ZNF883: variants seen among roughly 807,000 people sequenced by gnomAD.
The protein encoded by ZNF883 is zinc finger protein 883.
chr9:113,000,238 A>G (rs1828410039), upstream of ZNF883, among the ~76,000 whole-genome samples: 1 of 152,236 alleles, frequency 6.6e-6, no homozygotes, highest in Non-Finnish European at 1.5e-5. Flanking sequence ...ATAAAAGACA[A>G]TGAAACTAAT....
At chr9:112,991,303 G>A (rs1411538755) in intron 1 of ZNF883, among the ~76,000 whole-genome samples, 1 of 151,838 alleles carries the variant, frequency 6.6e-6, no homozygotes, top group African/African-American at 2.4e-5. Context: ...TGTTCTCCTT[G>A]GTTTCAAAAA....
At chr9:113,004,108 G>C (rs915393387) in intron 2 of ZNF883, among the ~76,000 whole-genome samples, 5 of 152,310 alleles carry the variant, frequency 3.3e-5, no homozygotes, top group Admixed American at 6.5e-5. Context: ...CACACACACA[G>C]AAAGTCATGT....
upstream of ZNF883, chr9:112,998,329 TTC>T: frequency 8.1e-7 from 1 of 1,242,090 alleles, no homozygotes; most frequent in South Asian, 2.5e-5. Flanking sequence ...GTGTTGGCTT[TTC>T]ATTTATTTCC....
At chr9:112,997,779 T>A in exon 1 of ZNF883, 1 of 1,613,564 alleles carries the variant, frequency 6.2e-7, no homozygotes, top group Non-Finnish European at 8.5e-7. Flanking sequence ...CGGCTGAAGG[T>A]TTTTCCACAT....
downstream of ZNF883, among the ~76,000 whole-genome samples, chr9:112,996,073 G>T (rs751303873): frequency 6.6e-6 from 1 of 151,232 alleles, no homozygotes. Context: ...TAATAATCAC[G>T]TTTTTTTTCC....
chr9:112,997,254 G>C (rs1421406287), exon 1 of ZNF883: 1 of 1,613,976 alleles, frequency 6.2e-7, no homozygotes, highest in Non-Finnish European at 8.5e-7. Flanking sequence ...TGTTTAGTTA[G>C]AGCTGAGCTT....
At chr9:113,002,022 G>C (rs1338138653), upstream of ZNF883, 1 of 152,122 alleles carries the variant, frequency 6.6e-6, no homozygotes, top group Non-Finnish European at 1.5e-5. Context: ...AACAGTTTTT[G>C]AAGATCACAT....
At chr9:113,005,554 A>G (rs1828466583) in intron 2 of ZNF883, among the ~76,000 whole-genome samples, 1 of 152,212 alleles carries the variant, frequency 6.6e-6, no homozygotes, top group African/African-American at 2.4e-5. Flanking sequence ...ATATACTCTT[A>G]GTGGAAAAGG....
intron 1 of ZNF883, among the ~76,000 whole-genome samples, chr9:112,989,316 G>C (rs541601403): frequency 6.6e-6 from 1 of 151,898 alleles, no homozygotes; most frequent in East Asian, 1.9e-4. Context: ...GTAGGGAAGG[G>C]GTCCAGTTTC....
chr9:112,988,517 T>C (rs1055479493), intron 1 of ZNF883, among the ~76,000 whole-genome samples: 1 of 151,274 alleles, frequency 6.6e-6, no homozygotes. Context: ...GTTTTCTTTA[T>C]CCAGTCTATC....
chr9:113,009,929 T>A (rs1828516262), intron 2 of ZNF883, among the ~76,000 whole-genome samples: 1 of 152,222 alleles, frequency 6.6e-6, no homozygotes. Flanking sequence ...CCTCTATTCA[T>A]CACTATGAAT....
At chr9:112,996,790 C>CAAAAAAA (rs61714600), downstream of ZNF883, among the ~76,000 whole-genome samples, 4 of 52,104 alleles carry the variant, frequency 7.7e-5, no homozygotes, top group Non-Finnish European at 1.1e-4. Context: ...GACTCCGTCT[C>CAAAAAAA]AAAAAAAAAA....
At chr9:113,001,223 A>C (rs755438516), upstream of ZNF883, among the ~76,000 whole-genome samples, 6 of 152,168 alleles carry the variant, frequency 3.9e-5, no homozygotes, top group Non-Finnish European at 7.4e-5. Flanking sequence ...TGACAGAATA[A>C]TTTTGAAAGG....
At position 113,006,640 on chromosome 9, in the gene ZNF883, T is replaced by C. The variant is rs187096021; in HGVS notation, n.165+4501A>G. Among the ~76,000 whole-genome samples, 255 of 152,270 alleles carry C rather than the reference T, an allele frequency of 1.7e-3. 1 individual carries two copies. The highest frequency in any genetic ancestry group is 2.9e-3 in the Non-Finnish European group (195 of 68,028). ...CTTAAAGAAGTAGGATTCAAGTCAT[T>C]AGTGTTTTTCCTGTATCAACAGTCC... On this transcript the variant is annotated intron_variant and non_coding_transcript_variant, in intron 2 of 4. Transcript: ENST00000638622.
At chr9:113,001,456 G>A (rs1828423027), upstream of ZNF883, among the ~76,000 whole-genome samples, 1 of 152,072 alleles carries the variant, frequency 6.6e-6, no homozygotes, top group Non-Finnish European at 1.5e-5. Flanking sequence ...AGATATGTGA[G>A]AAGATAGATA....
downstream of ZNF883, among the ~76,000 whole-genome samples, chr9:112,992,747 G>A (rs1285558696): frequency 2.0e-5 from 3 of 152,066 alleles, no homozygotes; most frequent in African/African-American, 7.2e-5. Context: ...TAATCCCATA[G>A]TTCTCAGAGG....
intron 1 of ZNF883, among the ~76,000 whole-genome samples, chr9:112,991,386 G>A (rs1388772022): frequency 6.6e-6 from 1 of 152,162 alleles, no homozygotes; most frequent in African/African-American, 2.4e-5. Context: ...CCATGTAGTT[G>A]TGTGGTTTTG....
chr9:112,999,100 T>C (rs984644748), upstream of ZNF883: 1 of 152,230 alleles, frequency 6.6e-6, no homozygotes, highest in African/African-American at 2.4e-5. Context: ...ACTTCAGATA[T>C]AGTATCCAGG....
At chr9:112,991,169 T>C (rs183668531) in intron 1 of ZNF883, among the ~76,000 whole-genome samples, 113 of 152,296 alleles carry the variant, frequency 7.4e-4, no homozygotes, top group African/African-American at 2.5e-3. Flanking sequence ...CTCATTTTTT[T>C]AGTTGTGATG....
Sources: allele counts gnomAD v4.1 joint callset (sites outside exome capture counted in the v4.1 genomes callset), GRCh38; gene constraint gnomAD v4.1.1; transcripts MANE v1.5; gene names NCBI Gene and HGNC (gene_info 2026-07-23, HGNC 2026-07-21).